CDC25C: variants seen among roughly 807,000 people sequenced by gnomAD.
CDC25C encodes the protein cell division cycle 25C.
In CDC25C, 48 loss-of-function variants were observed where a neutral mutation model predicts 52.5. The ratio of observed to expected loss-of-function variants is 0.91; its 90% CI spans 0.72 to 1.16. CDC25C has a LOEUF of 1.16. Ranked by LOEUF, CDC25C falls within the 50% of genes most tolerant of loss-of-function variation. CDC25C has a pLI of 0.00. For synonymous variants in CDC25C, 187 were observed against 206.5 expected, an observed-to-expected ratio of 0.91 and a Z score of 0.81; for missense variants, 510 against 566.1, an observed-to-expected ratio of 0.90 and a Z score of 1.01.
At chr5:138,335,692 C>T (rs1580840009), upstream of CDC25C, among the ~76,000 whole-genome samples, 1 of 151,720 alleles carries the variant, frequency 6.6e-6, no homozygotes, top group Non-Finnish European at 1.5e-5. Flanking sequence ...TTGGGCTGCA[C>T]TGGGAGGCCA....
intron 7 of CDC25C, among the ~76,000 whole-genome samples, chr5:138,316,532 G>A (rs185707125): frequency 4.6e-5 from 7 of 152,098 alleles, no homozygotes; most frequent in Non-Finnish European, 7.4e-5. Context: ...GACGGGGAGG[G>A]CTTAAAGGCT....
intron 7 of CDC25C, among the ~76,000 whole-genome samples, chr5:138,318,901 G>A (rs1292058717): frequency 1.3e-5 from 2 of 152,196 alleles, no homozygotes; most frequent in African/African-American, 4.8e-5. Context: ...AAGCACAGCA[G>A]CTGAGCTTCA....
chr5:138,295,505 T>C (rs1757111806), intron 7 of CDC25C, among the ~76,000 whole-genome samples: 2 of 151,814 alleles, frequency 1.3e-5, no homozygotes, highest in Admixed American at 6.6e-5. Context: ...CCCAGCTACT[T>C]GGGAGGCTGA....
chr5:138,310,975 T>C (rs1407630608), intron 7 of CDC25C, among the ~76,000 whole-genome samples: 1 of 152,248 alleles, frequency 6.6e-6, no homozygotes, highest in African/African-American at 2.4e-5. Context: ...GGCACTGGCA[T>C]AAAGACAGAC....
At chr5:138,338,317 G>A (rs1213099879) in exon 1 of CDC25C, 2 of 512,780 alleles carry the variant, frequency 3.9e-6, no homozygotes, top group African/African-American at 4.0e-5. Flanking sequence ...GGTAGGTGGT[G>A]GAGGGCAGGT....
At chr5:138,316,413 G>A (rs987283066) in intron 7 of CDC25C, among the ~76,000 whole-genome samples, 3 of 152,156 alleles carry the variant, frequency 2.0e-5, no homozygotes, top group African/African-American at 7.2e-5. Context: ...GGTGGTCAGT[G>A]CTGGCCTTTA....
At chr5:138,336,668 C>T (rs185788012), upstream of CDC25C, 1 of 151,144 alleles carries the variant, frequency 6.6e-6, no homozygotes, top group Non-Finnish European at 1.5e-5. Flanking sequence ...GCCTGAGCAA[C>T]AGCAAGACCC....
intron 7 of CDC25C, 82 bp downstream of exon 7, chr5:138,319,137 C>T: frequency 1.6e-6 from 2 of 1,263,358 alleles, no homozygotes; most frequent in African/African-American, 1.5e-5. Context: ...ATAAACTCTC[C>T]TAAGTTTAAT....
rs192194543 is a variant in CDC25C, at chr5:138,289,040, C to T, written c.927+461G>A. On this transcript the variant is annotated intron_variant, in intron 10 of 13. Coordinates refer to ENST00000323760, the MANE Select transcript of CDC25C (RefSeq NM_001790.5). ...AGTACAGTGGCACGATCTCTGCTCA[C>T]TGCAACCTCCCCAACTGGGGTTCAA... Among the ~76,000 whole-genome samples the T allele has an allele frequency of 5.3e-5, 8 of 152,278 alleles. No individual in the cohort carries two copies. The South Asian group carries it at 1.7e-3, about 32-fold the overall frequency.
chr5:138,290,561 C>G, intron 9 of CDC25C, 78 bp downstream of exon 9: 1 of 824,950 alleles, frequency 1.2e-6, no homozygotes, highest in Admixed American at 1.8e-5. Context: ...ATATTTACAC[C>G]AGGCATTCTC....
exon 1 of CDC25C, chr5:138,338,080 A>G (rs775139663): frequency 1.6e-6 from 2 of 1,289,730 alleles, no homozygotes; most frequent in South Asian, 2.5e-5. Flanking sequence ...CCTAAATCAA[A>G]GCGCCAGGCT....
At chr5:138,316,345 C>A (rs775442537) in intron 7 of CDC25C, among the ~76,000 whole-genome samples, 1 of 152,198 alleles carries the variant, frequency 6.6e-6, no homozygotes, top group East Asian at 1.9e-4. Flanking sequence ...GCCACCTTGA[C>A]CCCCTCTAGA....
chr5:138,296,701 G>A (rs1757218559), intron 7 of CDC25C, among the ~76,000 whole-genome samples: 1 of 151,120 alleles, frequency 6.6e-6, no homozygotes, highest in African/African-American at 2.4e-5. Flanking sequence ...CGCCTCCCAG[G>A]TTCACGCCAT....
Position 138,321,773 on chromosome 5 carries a change from A to C in CDC25C, c.460-2399T>G, listed in dbSNP as rs865933004. 5.9e-3 allele frequency among the ~76,000 whole-genome samples: 880 copies of C among 148,180 alleles called. 8 individuals carry two copies. The highest frequency in any genetic ancestry group is 9.5e-3 in the Non-Finnish European group (635 of 66,780). ...CTCAAAAAAAAAAAAAAAAAAAAAAAAAAAAAAAACCATGATCAACTTTAT... is the reference window on the plus strand; with the variant it reads ...CTCAAAAAAAAAAAAAAAAAAAAAACAAAAAAAAACCATGATCAACTTTAT... On this transcript the variant is annotated intron_variant, in intron 6 of 13. Transcript: ENST00000323760.
intron 6 of CDC25C, among the ~76,000 whole-genome samples, chr5:138,320,272 T>A (rs1759255186): frequency 1.3e-5 from 2 of 151,898 alleles, no homozygotes; most frequent in South Asian, 4.2e-4. Flanking sequence ...TCCACTGCAC[T>A]CCAGCCTGGG....
rs115428474 is a variant in CDC25C at position 138,309,257 on chromosome 5, C to A, written c.615+9962G>T. Among the ~76,000 whole-genome samples the A allele has an allele frequency of 8.5e-3, 1,287 of 151,634 alleles. 18 individuals are homozygous for A. Among genetic ancestry groups the A allele is most frequent in the African/African-American group, 0.029 (1,202 of 41,406 alleles). On this transcript the variant is annotated intron_variant, in intron 7 of 13. Transcript: ENST00000323760. Reference sequence around the variant, plus strand: ...AAAAAAAACATAAAAATACTTCATTCTTAAAACAGGAAATTTGACTGGGCA... The same window carrying A: ...AAAAAAAACATAAAAATACTTCATTATTAAAACAGGAAATTTGACTGGGCA...
At chr5:138,322,571 G>A (rs1295382796) in intron 6 of CDC25C, among the ~76,000 whole-genome samples, 1 of 145,028 alleles carries the variant, frequency 6.9e-6, no homozygotes, top group Non-Finnish European at 1.5e-5. Context: ...CGCCTCCCGG[G>A]TTCACGCCAT....
chr5:138,300,684 A>C (rs1757567677), intron 7 of CDC25C, among the ~76,000 whole-genome samples: 1 of 152,238 alleles, frequency 6.6e-6, no homozygotes, highest in South Asian at 2.1e-4. Context: ...AATAGAGACT[A>C]TACATTTTCT....
At position 138,326,048 on chromosome 5, in the gene CDC25C, A is replaced by G. The variant is rs766397359; in HGVS notation, c.342T>C (p.His114=). The G allele has an allele frequency of 6.2e-7, 1 of 1,614,238 alleles. No individual in the cohort carries two copies. The highest frequency in any genetic ancestry group is 2.2e-5 in the East Asian group (1 of 44,888). The change falls in exon 5 of 14, where the codon CAT becomes CAC. Residue 114 remains histidine, a synonymous_variant. Transcript: ENST00000323760. ...GGCTACATTTCATTAGGTGCTGGTC[A>G]TGATTCCTGCAGATTAAAACAAACT... ...LQEVHLAGMN[H]DQHLMKCSPA... is the part of the protein sequence containing the mutation.
Sources: allele counts gnomAD v4.1 joint callset (sites outside exome capture counted in the v4.1 genomes callset), GRCh38; gene constraint gnomAD v4.1.1; transcripts MANE v1.5; gene names NCBI Gene and HGNC (gene_info 2026-07-23, HGNC 2026-07-21).